Variants in ZNF311 observed in about 807,000 individuals in gnomAD.
ZNF311 encodes zinc finger protein zfp31.
Under a neutral mutation model 22.7 loss-of-function variants are expected in ZNF311, and 14 were observed. That is an observed-to-expected ratio of 0.62 (90% CI 0.41 to 0.96). ZNF311 has a LOEUF of 0.96. Ranked by LOEUF, ZNF311 falls within the 40% of genes least tolerant of loss-of-function variation. The pLI, the probability that ZNF311 is intolerant of heterozygous loss-of-function variation, is 0.00. For missense variants in ZNF311, 731 were observed against 799.0 expected, an observed-to-expected ratio of 0.91 and a Z score of 1.03; for synonymous variants, 250 against 275.3, an observed-to-expected ratio of 0.91 and a Z score of 0.91.
chr6:28,997,306 G>A (rs896245761), intron 6 of ZNF311, among the ~76,000 whole-genome samples: 1 of 152,160 alleles, frequency 6.6e-6, no homozygotes, highest in African/African-American at 2.4e-5. Context: ...AAAGAAGCAG[G>A]GAATACAGTT....
intron 6 of ZNF311, among the ~76,000 whole-genome samples, chr6:28,998,512 CA>C (rs1779952487): frequency 6.6e-6 from 1 of 152,000 alleles, no homozygotes; most frequent in Non-Finnish European, 1.5e-5. Context: ...TTTTGAGGGC[CA>C]AATTGCAAAA....
At position 28,999,623 on chromosome 6, in the gene ZNF311, T is replaced by C; in HGVS notation, c.184-10A>G. Reference sequence around the variant, plus strand: ...CAAATGTCACTGACTCCTGAAATAATATGCTCCTGCTATCCTGGAGAAAAC... The same window carrying C: ...CAAATGTCACTGACTCCTGAAATAACATGCTCCTGCTATCCTGGAGAAAAC... On this transcript the variant is annotated splice_polypyrimidine_tract_variant and intron_variant, in intron 4 of 6. Coordinates refer to ENST00000377179, the MANE Select transcript of ZNF311 (RefSeq NM_001382360.1). 1 of 1,609,470 alleles carries C rather than the reference T, an allele frequency of 6.2e-7. No individual in the cohort carries two copies. Among genetic ancestry groups the C allele is most frequent in the South Asian group, 1.1e-5 (1 of 89,790 alleles).
In ZNF311 at chr6:28,995,551, C is replaced by T. The variant is rs1283086540; in HGVS notation, c.1451G>A (p.Cys484Tyr). ...CTCTCGTTCATGAGCCCTGCGCTTA[C>T]AGTTATGACGAAAGGCTTTCCCACA... ...EECGKAFRHN[C>Y]KRRAHEREHT... Residue 484 changes from cysteine to tyrosine, a missense_variant, in exon 7 of 7, where the codon TGT (cysteine) becomes TAT (tyrosine). Coordinates refer to ENST00000377179, the MANE Select transcript of ZNF311 (RefSeq NM_001382360.1). This position sits in a 1 kb window ranked among gnomAD's most constrained non-coding sequence, Gnocchi z 4.7. 1.2e-6 allele frequency: 2 copies of T among 1,613,712 alleles called. No homozygotes were observed. Among genetic ancestry groups the T allele is most frequent in the South Asian group, 1.1e-5 (1 of 91,074 alleles).
At chr6:28,997,433 T>A (rs1410951400) in intron 6 of ZNF311, among the ~76,000 whole-genome samples, 3 of 152,210 alleles carry the variant, frequency 2.0e-5, no homozygotes, top group African/African-American at 7.2e-5. Flanking sequence ...TAGCTTGGGT[T>A]AATTTCTATT....
In ZNF311 at chr6:28,996,161, C is replaced by T; in HGVS notation, c.841G>A (p.Gly281Arg). 2.5e-6 allele frequency: 4 copies of T among 1,613,506 alleles called. No individual in the cohort carries two copies. Among genetic ancestry groups the T allele is most frequent in the Non-Finnish European group, 3.4e-6 (4 of 1,180,040 alleles). ...TGATTTCTGGTCTTGAATGCTTTCC[C>T]ACACTCATTACACACATGGGGTTTC... is the stretch of plus-strand genomic sequence containing the variant. The part of the protein sequence containing the change: ...GEKPHVCNEC[G>R]KAFKTRNQLS... The change falls in exon 7 of 7, where the codon GGG becomes AGG. Residue 281 changes from glycine to arginine, a missense_variant. Transcript: ENST00000377179.
In ZNF311 at chr6:28,999,531, T is replaced by C. The variant is rs1270775772; in HGVS notation, c.266A>G (p.Tyr89Cys). 2.5e-6 allele frequency: 4 copies of C among 1,613,494 alleles called. No individual in the cohort carries two copies. The highest frequency in any genetic ancestry group is 1.3e-5 in the African/African-American group (1 of 74,924). ...ATAATTTTCCAACATCACATCCTTA[T>C]AGAGATGCCTTTGAGCGTAGGTCAG... ...QCLTYAQRHL[Y>C]KDVMLENYGN... The change falls in exon 5 of 7, where the codon TAT becomes TGT. Residue 89 changes from tyrosine (Y) to cysteine (C), a missense_variant. Physicochemically the swap from Tyr to Cys is radical, Grantham distance 194 (BLOSUM62 -2). Coordinates refer to ENST00000377179, the MANE Select transcript of ZNF311 (RefSeq NM_001382360.1).
Position 28,995,933 on chromosome 6 carries a change from T to C in ZNF311, c.1069A>G (p.Lys357Glu). ...CCACAGCAGTTACATTTGTAAGGCTTCTCCCCGGTGTGGATAAGCTGATGC... is the reference window on the plus strand; with the variant it reads ...CCACAGCAGTTACATTTGTAAGGCTCCTCCCCGGTGTGGATAAGCTGATGC... Reference protein sequence around the residue: ...CMHQLIHTGEKPYKCNCCGKA... With the variant: ...CMHQLIHTGEEPYKCNCCGKA... The change falls in exon 7 of 7, where the codon AAG becomes GAG. Residue 357 changes from lysine to glutamate, a missense_variant. Physicochemically the swap from Lys to Glu is moderately conservative, Grantham distance 56. Coordinates refer to ENST00000377179, the MANE Select transcript of ZNF311 (RefSeq NM_001382360.1). The surrounding 1 kb of genome is among the most constrained non-coding windows in gnomAD (Gnocchi z 4.7). 4 of 1,613,834 alleles carry C rather than the reference T, an allele frequency of 2.5e-6. No individual in the cohort carries two copies. The South Asian group carries it at 4.4e-5, about 18-fold the overall frequency.
At chr6:28,996,729 G>A (rs1384357472) in intron 6 of ZNF311, 143 bp from the exon 7 acceptor site, 2 of 855,366 alleles carry the variant, frequency 2.3e-6, no homozygotes, top group Non-Finnish European at 3.5e-6. Flanking sequence ...AGAACAGGCT[G>A]AAATAATGAA....
intron 3 of ZNF311, among the ~76,000 whole-genome samples, chr6:29,000,463 G>A (rs1404026892): frequency 2.6e-5 from 4 of 152,182 alleles, no homozygotes; most frequent in East Asian, 1.9e-4. Flanking sequence ...AAAAGAGTGT[G>A]TGCATGCACG....
chr6:29,005,235 A>G lies in ZNF311; in HGVS notation c.-488T>C, dbSNP rs1197813539. 6.6e-6 allele frequency: 1 copy of G among 151,464 alleles called. No homozygotes were observed. The highest frequency in any genetic ancestry group is 1.5e-5 in the Non-Finnish European group (1 of 67,950). 9.4% of individuals were successfully genotyped at this position (151,464 alleles called of 1,614,324 possible). ...TATGTGCTGGATTAAAAATTAGCTGACTGAATGAATATATGAATGGATGCT... is the reference window on the plus strand; with the variant it reads ...TATGTGCTGGATTAAAAATTAGCTGGCTGAATGAATATATGAATGGATGCT... On this transcript the variant is annotated 5_prime_UTR_variant, in exon 1 of 7. Coordinates refer to ENST00000377179, the MANE Select transcript of ZNF311 (RefSeq NM_001382360.1).
rs138313981 is a variant in ZNF311 at position 28,999,992 on chromosome 6, C to T, written c.147G>A (p.Leu49=). The T allele has an allele frequency of 1.9e-6, 3 of 1,613,732 alleles. No individual in the cohort carries two copies. Among genetic ancestry groups the T allele is most frequent in the Non-Finnish European group, 2.5e-6 (3 of 1,179,962 alleles). Residue 49 remains leucine, a synonymous_variant, in exon 4 of 7, where the codon CTG becomes CTA. Transcript: ENST00000377179. ...TCATTAGTGTGATATCTGCTTGCGG[C>T]AGGTTTCCTTGGCTTCCATCTTTAG... ...AFTKDGSQGN[L]PQADITLMSQ... is the part of the protein sequence containing the mutation.
At chr6:28,999,762 G>T (rs763602170) in intron 4 of ZNF311, 149 bp from the exon 5 acceptor site, 11 of 1,307,376 alleles carry the variant, frequency 8.4e-6, no homozygotes, top group Non-Finnish European at 1.1e-5. Flanking sequence ...ATGAAAGGGA[G>T]CATGGGGTTT....
At chr6:28,998,075 C>G (rs760048662) in intron 6 of ZNF311, among the ~76,000 whole-genome samples, 14 of 152,120 alleles carry the variant, frequency 9.2e-5, no homozygotes, top group South Asian at 2.1e-4. Context: ...AATGCTTTCT[C>G]ACATGTTATT....
At chr6:29,002,502 A>G (rs752794332) in intron 3 of ZNF311, among the ~76,000 whole-genome samples, 37 of 152,152 alleles carry the variant, frequency 2.4e-4, no homozygotes, top group Non-Finnish European at 8.8e-5. Flanking sequence ...AGCATATACT[A>G]AAAAGCTTAC....
chr6:28,996,266 G>C lies in ZNF311; in HGVS notation c.736C>G (p.Leu246Val). ...QCNKVLIAQK[L>V]HECARCGKNF... ...TTGCCACACCTGGCACATTCATGGA[G>C]TTTCTGTGCTATAAGAACTTTATTA... is the stretch of plus-strand genomic sequence containing the variant. The change falls in exon 7 of 7, where the codon CTC becomes GTC. Residue 246 changes from leucine (L) to valine (V), a missense_variant. Leu to Val is a conservative substitution (Grantham distance 32). Transcript: ENST00000377179. The C allele has an allele frequency of 6.2e-7, 1 of 1,613,122 alleles. No homozygotes were observed. The highest frequency in any genetic ancestry group is 8.5e-7 in the Non-Finnish European group (1 of 1,180,042).
At chr6:29,003,875 C>T in intron 2 of ZNF311, 71 bp downstream of exon 2, 1 of 1,612,718 alleles carries the variant, frequency 6.2e-7, no homozygotes, top group Non-Finnish European at 8.5e-7. Flanking sequence ...ACTCACACTG[C>T]TTTCCTTCTT....
At chr6:28,998,649 C>A (rs1779971934) in intron 6 of ZNF311, 85 bp downstream of exon 6, 5 of 928,080 alleles carry the variant, frequency 5.4e-6, no homozygotes, top group Non-Finnish European at 6.5e-6. Flanking sequence ...GGCCCTTCGA[C>A]TGGATGATCC....
Position 28,999,962 on chromosome 6 carries a change from C to G in ZNF311, c.177G>C (p.Gln59His), listed in dbSNP as rs779919893. Residue 59 changes from glutamine (Q) to histidine (H), a missense_variant, in exon 4 of 7, where the codon CAG becomes CAC. Transcript: ENST00000377179. The part of the protein sequence containing the change: ...LPQADITLMS[Q>H]AQESVTFEDV... ...GAAAGGGGCCTCAGCTCACTTGGGC[C>G]TGGCTCATTAGTGTGATATCTGCTT... 6.2e-7 allele frequency: 1 copy of G among 1,612,898 alleles called. No individual in the cohort carries two copies. Among genetic ancestry groups the G allele is most frequent in the Non-Finnish European group, 8.5e-7 (1 of 1,179,748 alleles).
Position 28,996,511 on chromosome 6 carries a change from T to C in ZNF311, c.491A>G (p.Tyr164Cys). The change falls in exon 7 of 7, where the codon TAC becomes TGC. Residue 164 changes from tyrosine (Y) to cysteine (C), a missense_variant. By Grantham distance (194) the Tyr-to-Cys change is radical. Transcript: ENST00000377179. ...TAGGAGACTGTTAAATTTCATCCAG[T>C]AGGCTTCTCCATTTTCAAAAATCTC... is the stretch of plus-strand genomic sequence containing the variant. ...QQEIFENGEA[Y>C]WMKFNSLLKV... is the part of the protein sequence containing the mutation. 6.2e-7 allele frequency: 1 copy of C among 1,606,744 alleles called. No homozygotes were observed.
Sources: gnomAD v4.1 joint callset for allele counts (sites outside exome capture counted in the v4.1 genomes callset) on GRCh38, gnomAD v4.1.1 for gene constraint, Gnocchi (gnomAD v3.1) non-coding constraint, MANE v1.5 for transcripts, NCBI Gene and HGNC (gene_info 2026-07-23, HGNC 2026-07-21) for gene names.